The following CELSR1 variants were observed in gnomAD, a reference collection of about 807,000 sequenced individuals.
CELSR1 encodes the protein cadherin EGF LAG seven-pass G-type receptor 1.
In CELSR1, 110 loss-of-function variants were observed where a neutral mutation model predicts 249.1. That is an observed-to-expected ratio of 0.44 (90% CI 0.38 to 0.52). The LOEUF is 0.52. Among genes scored for constraint, CELSR1 ranks in the 20% least tolerant of loss-of-function variants. The pLI is 0.00. For missense variants in CELSR1, 4,109 were observed against 4,296.4 expected (o/e 0.96, Z 1.22); for synonymous variants, 2,113 against 1,900.0 (o/e 1.11, Z -2.92).
intron 25 of CELSR1, among the ~76,000 whole-genome samples, chr22:46,371,474 G>A (rs142785630): frequency 2.6e-5 from 4 of 152,166 alleles, no homozygotes; most frequent in Non-Finnish European, 4.4e-5. Flanking sequence ...CCAACTTTCT[G>A]ATTTTAAGCA....
In CELSR1 at chr22:46,411,703, C is replaced by G; in HGVS notation, c.4668G>C (p.Val1556=). ...PHGPSGEKMA[V]VTVDDCDTTM... ...TTGTGTCACAATCATCCACTGTCACCACGGCCATCTTTTCCCCGGACGGCC... is the reference window on the plus strand; with the variant it reads ...TTGTGTCACAATCATCCACTGTCACGACGGCCATCTTTTCCCCGGACGGCC... The change falls in exon 6 of 35, where the codon GTG becomes GTC. Residue 1556 remains valine (V), a synonymous_variant. Coordinates refer to ENST00000674500, the MANE Select transcript of CELSR1 (RefSeq NM_001378328.1). The surrounding 1 kb of genome is among the most constrained non-coding windows in gnomAD (Gnocchi z 4.2). 1.2e-6 allele frequency: 2 copies of G among 1,614,232 alleles called. No homozygotes were observed. Among genetic ancestry groups the G allele is most frequent in the African/African-American group, 2.7e-5 (2 of 75,080 alleles).
chr22:46,456,524 G>A (rs908020544), intron 2 of CELSR1, among the ~76,000 whole-genome samples: 4 of 151,950 alleles, frequency 2.6e-5, no homozygotes, highest in African/African-American at 9.7e-5. Context: ...TTAGCCAGGC[G>A]TGGTGGTGGG....
At chr22:46,420,578 C>G (rs537547599) in intron 5 of CELSR1, among the ~76,000 whole-genome samples, 1 of 152,352 alleles carries the variant, frequency 6.6e-6, no homozygotes, top group African/African-American at 2.4e-5. Flanking sequence ...TGCACACATG[C>G]TCACCCATAC....
chr22:46,443,081 G>C (rs932026363), intron 2 of CELSR1, among the ~76,000 whole-genome samples: 11 of 151,720 alleles, frequency 7.3e-5, no homozygotes, highest in Non-Finnish European at 1.2e-4. Flanking sequence ...CTGGGGGACA[G>C]AGCGAGACTC....
intron 1 of CELSR1, among the ~76,000 whole-genome samples, chr22:46,499,229 C>T (rs1020898963): frequency 3.3e-5 from 5 of 151,196 alleles, no homozygotes; most frequent in Admixed American, 6.6e-5. Context: ...GAGTTTTACA[C>T]TCCTGGGCTC....
chr22:46,439,955 C>G (rs550238998), intron 2 of CELSR1, among the ~76,000 whole-genome samples: 1 of 152,242 alleles, frequency 6.6e-6, no homozygotes, highest in African/African-American at 2.4e-5. Flanking sequence ...AGACCCCTCG[C>G]ACTGTCTGGC....
chr22:46,366,683 C>T (rs1034675766), intron 29 of CELSR1, among the ~76,000 whole-genome samples: 4 of 152,180 alleles, frequency 2.6e-5, no homozygotes, highest in Non-Finnish European at 5.9e-5. Context: ...CACATCCTGG[C>T]CCGCGCTGTG....
chr22:46,383,157 A>G (rs1298038559), intron 20 of CELSR1, among the ~76,000 whole-genome samples: 3 of 152,198 alleles, frequency 2.0e-5, no homozygotes, highest in African/African-American at 7.2e-5. Flanking sequence ...GCTGGCTGCA[A>G]TGGAGAGTCA....
At chr22:46,435,261 C>CAAA (rs1214889556) in intron 4 of CELSR1, among the ~76,000 whole-genome samples, 2 of 82,520 alleles carry the variant, frequency 2.4e-5, no homozygotes, top group African/African-American at 4.4e-5. Flanking sequence ...CAGCCTTGTC[C>CAAA]AAAAAAAAAA....
At chr22:46,507,770 C>A (rs1369859125) in intron 1 of CELSR1, among the ~76,000 whole-genome samples, 1 of 152,178 alleles carries the variant, frequency 6.6e-6, no homozygotes, top group East Asian at 1.9e-4. Context: ...GGGGCAGGGG[C>A]CCCACTACAG....
At chr22:46,482,625 G>A (rs892117338) in intron 1 of CELSR1, among the ~76,000 whole-genome samples, 1 of 152,078 alleles carries the variant, frequency 6.6e-6, no homozygotes, top group Non-Finnish European at 1.5e-5. Flanking sequence ...TGAGGCACGA[G>A]ACTCACTTGA....
Position 46,378,742 on chromosome 22 carries a change from A to AGG in CELSR1, c.7257-27_7257-26dup, listed in dbSNP as rs1171916371. 4 of 1,607,744 alleles carry AGG rather than the reference A, an allele frequency of 2.5e-6. No individual in the cohort carries two copies. In the African/African-American group the frequency reaches 4.0e-5, roughly 16 times the overall value. ...GCTGCGGAGAGGACAGAGAAGGGGC[A>AGG]GGGGTAAGACGGTTCCCTCTGCCCA... is the stretch of plus-strand genomic sequence containing the variant. On this transcript the variant is annotated intron_variant, in intron 22 of 34. Coordinates refer to ENST00000674500, the MANE Select transcript of CELSR1 (RefSeq NM_001378328.1).
intron 9 of CELSR1, among the ~76,000 whole-genome samples, chr22:46,403,277 G>A (rs1361104646): frequency 5.3e-5 from 8 of 152,052 alleles, no homozygotes; most frequent in Admixed American, 2.6e-4. Context: ...AGGCTGGCGC[G>A]GTGGCTTACA....
rs2012231 is a variant in CELSR1, at chr22:46,506,971, T to C, written c.3544+26656A>G. Among the ~76,000 whole-genome samples, 118,916 of 152,004 alleles carry C rather than the reference T, an allele frequency of 0.78. 46,855 individuals carry two copies. The highest frequency in any genetic ancestry group is 0.98 in the East Asian group (5,069 of 5,150). Reference sequence around the variant, plus strand: ...CAGCACTTTGGGAGGCCGAGGCGGGTGGATCACCTGAGGTCAGGAGCCTGG... The same window carrying C: ...CAGCACTTTGGGAGGCCGAGGCGGGCGGATCACCTGAGGTCAGGAGCCTGG... On this transcript the variant is annotated intron_variant, in intron 1 of 34. Coordinates refer to ENST00000674500, the MANE Select transcript of CELSR1 (RefSeq NM_001378328.1). This position sits in a 1 kb window ranked among gnomAD's most constrained non-coding sequence, Gnocchi z 4.1.
Position 46,399,808 on chromosome 22 carries a change from C to A in CELSR1, c.5321G>T (p.Trp1774Leu). The A allele has an allele frequency of 1.2e-6, 2 of 1,614,162 alleles. No individual in the cohort carries two copies. Among genetic ancestry groups the A allele is most frequent in the Non-Finnish European group, 1.7e-6 (2 of 1,180,002 alleles). ...LSGLRVTDGE[W>L]HHLLIELKNV... ...CTTCAGCTCGATCAGCAGGTGGTGC[C>A]ACTCCCCGTCGGTCACCCGCAACCC... Residue 1774 changes from tryptophan (W) to leucine (L), a missense_variant, in exon 10 of 35, where the codon TGG becomes TTG. Physicochemically the swap from Trp to Leu is moderately conservative, Grantham distance 61. Around this residue, in one of 7 missense-constraint regions of CELSR1, gnomAD observed 1,805 missense variants for 1,831.6 expected, o/e 0.99. Coordinates refer to ENST00000674500, the MANE Select transcript of CELSR1 (RefSeq NM_001378328.1). This position sits in a 1 kb window ranked among gnomAD's most constrained non-coding sequence, Gnocchi z 5.0.
chr22:46,491,116 TC>T (rs1234582825), intron 1 of CELSR1, among the ~76,000 whole-genome samples: 3 of 151,780 alleles, frequency 2.0e-5, no homozygotes, highest in African/African-American at 7.3e-5. Context: ...CAGAGCAGCA[TC>T]CCCCACCTCC....
At chr22:46,501,491 C>T (rs2080466262) in intron 1 of CELSR1, among the ~76,000 whole-genome samples, 1 of 152,106 alleles carries the variant, frequency 6.6e-6, no homozygotes, top group South Asian at 2.1e-4. Flanking sequence ...CAGGTGTGAG[C>T]CACCGCGCCC....
In CELSR1 at chr22:46,409,614, A is replaced by G. The variant is rs2079307898; in HGVS notation, c.5059+141T>C. ...ACAGTCTCTTGGAGAGGGCGGTGTG[A>G]GTCCACAGTAAATGCAGCATATACC... On this transcript the variant is annotated intron_variant, in intron 8 of 34. Transcript: ENST00000674500. The surrounding 1 kb of genome is among the most constrained non-coding windows in gnomAD (Gnocchi z 9.8). 1 of 984,526 alleles carries G rather than the reference A, an allele frequency of 1.0e-6. No individual in the cohort carries two copies. Among genetic ancestry groups the G allele is most frequent in the Non-Finnish European group, 1.5e-6 (1 of 658,078 alleles). 61.0% of individuals were successfully genotyped at this position (984,526 alleles called of 1,614,324 possible).
chr22:46,425,715 A>G (rs1602118688), intron 5 of CELSR1, among the ~76,000 whole-genome samples: 1 of 141,972 alleles, frequency 7.0e-6, no homozygotes, highest in African/African-American at 2.6e-5. Context: ...TGTTAATCTT[A>G]AAGAATCGGC....
Sources: allele counts gnomAD v4.1 joint callset (sites outside exome capture counted in the v4.1 genomes callset), GRCh38; gene constraint gnomAD v4.1.1; regional missense constraint gnomAD v4.1.1; non-coding constraint Gnocchi (gnomAD v3.1); transcripts MANE v1.5; gene names NCBI Gene and HGNC (gene_info 2026-07-23, HGNC 2026-07-21).